MX2: variants seen among roughly 807,000 people sequenced by gnomAD.
MX2 encodes the protein interferon-induced GTP-binding protein Mx2.
A neutral mutation model predicts 74.0 loss-of-function variants in MX2; 51 were observed. The observed-to-expected ratio is 0.69, with a 90% CI of 0.55 to 0.87. MX2 has a LOEUF of 0.87. Ranked by LOEUF, MX2 falls within the 40% of genes least tolerant of loss-of-function variation. The pLI, the probability that MX2 is intolerant of heterozygous loss-of-function variation, is 0.00. For missense variants in MX2, 832 were observed against 908.7 expected (o/e 0.92, Z 1.09); for synonymous variants, 369 against 339.3 (o/e 1.09, Z -0.96).
rs376098687 is a variant in MX2, at chr21:41,406,978, C to T, written c.1885C>T (p.His629Tyr). The T allele has an allele frequency of 6.2e-7, 1 of 1,612,376 alleles. No individual in the cohort carries two copies. Among genetic ancestry groups the T allele is most frequent in the Non-Finnish European group, 8.5e-7 (1 of 1,178,584 alleles). ...SVSSFTEIGIHLNAYFLETSK... is the reference protein window; with the variant it reads ...SVSSFTEIGIYLNAYFLETSK... ...TTCCTCCTTTACTGAAATAGGCATC[C>T]ACCTGAATGCCTACTTCTTGGTGAG... is the stretch of plus-strand genomic sequence containing the variant. Residue 629 changes from histidine (H) to tyrosine (Y), a missense_variant, in exon 13 of 14, where the codon CAC becomes TAC. By Grantham distance (83) the His-to-Tyr change is moderately conservative. Transcript: ENST00000330714.
rs765741587 is a variant in MX2 at position 41,408,263 on chromosome 21, G to A, written c.*30G>A. On this transcript the variant is annotated 3_prime_UTR_variant, in exon 14 of 14. Coordinates refer to ENST00000330714, the MANE Select transcript of MX2 (RefSeq NM_002463.2). Reference sequence around the variant, plus strand: ...CGGCGATGCCTGTGGTTGTTTTCTTGTGCGTACTCATTCATTCTAAGGGGA... The same window carrying A: ...CGGCGATGCCTGTGGTTGTTTTCTTATGCGTACTCATTCATTCTAAGGGGA... 13 of 1,610,080 alleles carry A rather than the reference G, an allele frequency of 8.1e-6. No individual in the cohort carries two copies. The Admixed American group carries it at 1.0e-4, about 12-fold the overall frequency.
Position 41,377,020 on chromosome 21 carries a change from A to T in MX2, c.114A>T (p.Thr38=). Residue 38 remains threonine (T), a synonymous_variant, in exon 2 of 14, where the codon ACA becomes ACT. Transcript: ENST00000330714. ...SFQQQPPPFG[T]VPPQMMFPPN... The stretch of plus-strand genomic sequence containing the variant: ...AGCAACAGCCACCGCCATTCGGCAC[A>T]GTGCCACCACAAATGATGTTTCCTC... The T allele has an allele frequency of 1.2e-6, 2 of 1,614,230 alleles. No homozygotes were observed. The highest frequency in any genetic ancestry group is 1.7e-6 in the Non-Finnish European group (2 of 1,180,044).
chr21:41,376,370 A>G (rs2089401525), intron 1 of MX2, among the ~76,000 whole-genome samples: 2 of 152,144 alleles, frequency 1.3e-5, no homozygotes, highest in Non-Finnish European at 2.9e-5. Flanking sequence ...ACCCATCTCT[A>G]TAAAAAATAC....
At position 41,397,654 on chromosome 21, in the gene MX2, CAGAA is replaced by C; in HGVS notation, c.1116_1119del (p.Glu372AspfsTer17). On this transcript the variant is annotated frameshift_variant, in exon 8 of 14. Coordinates refer to ENST00000330714, the MANE Select transcript of MX2 (RefSeq NM_002463.2). LOFTEE classifies it high-confidence loss of function. ...GGGTCAGCCACGGTTCCCCGACTGG[CAGAA>C]AGACTTACCACTGAACTCATCATGC... is the stretch of plus-strand genomic sequence containing the variant. The C allele has an allele frequency of 6.2e-7, 1 of 1,614,130 alleles. No individual in the cohort carries two copies. The highest frequency in any genetic ancestry group is 8.5e-7 in the Non-Finnish European group (1 of 1,179,984).
intron 3 of MX2, among the ~76,000 whole-genome samples, chr21:41,379,345 G>A (rs1357930057): frequency 6.6e-6 from 1 of 152,180 alleles, no homozygotes; most frequent in Non-Finnish European, 1.5e-5. Context: ...GGGCTTCACG[G>A]CAGGAGCGTG....
chr21:41,396,691 C>T (rs1186315219), intron 7 of MX2, among the ~76,000 whole-genome samples: 1 of 152,200 alleles, frequency 6.6e-6, no homozygotes, highest in East Asian at 1.9e-4. Flanking sequence ...CCGGTTCCTT[C>T]TTTCTTCCTC....
At position 41,368,641 on chromosome 21, in the gene MX2, G is replaced by A. The variant is rs2089288721; in HGVS notation, c.-72+6586G>A. 6.6e-6 allele frequency among the ~76,000 whole-genome samples: 1 copy of A among 152,220 alleles called. No individual in the cohort carries two copies. The highest frequency in any genetic ancestry group is 2.4e-5 in the African/African-American group (1 of 41,460). Reference sequence around the variant, plus strand: ...AGCAAGACCTGCCCTTCATGAAAATGAGGGTGAGGGTGAGGGTGGCGACAG... The same window carrying A: ...AGCAAGACCTGCCCTTCATGAAAATAAGGGTGAGGGTGAGGGTGGCGACAG... On this transcript the variant is annotated intron_variant, in intron 1 of 13. Coordinates refer to ENST00000330714, the MANE Select transcript of MX2 (RefSeq NM_002463.2). The surrounding 1 kb of genome is among the most constrained non-coding windows in gnomAD (Gnocchi z 4.6).
At position 41,389,280 on chromosome 21, in the gene MX2, C is replaced by T. The variant is rs1485838898; in HGVS notation, c.733-1285C>T. Among the ~76,000 whole-genome samples, 18 of 151,868 alleles carry T rather than the reference C, an allele frequency of 1.2e-4. No individual in the cohort carries two copies. The East Asian group carries it at 2.3e-3, about 19-fold the overall frequency. On this transcript the variant is annotated intron_variant, in intron 5 of 13. Transcript: ENST00000330714. ...CTGTAATCCCAGCACTTTGGGAGGC[C>T]GAGGTGAGCAGATTACTTGCGGCCA...
At chr21:41,390,541 C>T (rs1458146267) in intron 5 of MX2, 24 bp from the exon 6 acceptor site, 2 of 1,613,782 alleles carry the variant, frequency 1.2e-6, no homozygotes, top group Non-Finnish European at 8.5e-7. Context: ...TGTGCTCTTT[C>T]TTTGTGCGAT....
chr21:41,380,188 C>T lies in MX2; in HGVS notation c.577+37C>T, dbSNP rs758467404. 1 of 1,612,246 alleles carries T rather than the reference C, an allele frequency of 6.2e-7. No homozygotes were observed. Among genetic ancestry groups the T allele is most frequent in the South Asian group, 1.1e-5 (1 of 90,958 alleles). ...TCATTCTGAGGTTCGGATCTGGCAG[C>T]CGCTCCTCTCACTTCCTCGGTTCCT... On this transcript the variant is annotated intron_variant, in intron 4 of 13. Transcript: ENST00000330714. This position sits in a 1 kb window ranked among gnomAD's most constrained non-coding sequence, Gnocchi z 4.3.
At chr21:41,367,268 C>A (rs1474026013) in intron 1 of MX2, 1 of 151,830 alleles carries the variant, frequency 6.6e-6, no homozygotes, top group African/African-American at 2.4e-5. Context: ...AACATAATTT[C>A]TTTATATTAA....
chr21:41,398,320 A>G (rs888821410), intron 8 of MX2, among the ~76,000 whole-genome samples: 2 of 152,136 alleles, frequency 1.3e-5, no homozygotes, highest in African/African-American at 4.8e-5. Flanking sequence ...AAAAAAAAAA[A>G]TTTCTTCTAG....
At position 41,380,690 on chromosome 21, in the gene MX2, T is replaced by A. The variant is rs1304883577; in HGVS notation, c.577+539T>A. Among the ~76,000 whole-genome samples, 3 of 152,168 alleles carry A rather than the reference T, an allele frequency of 2.0e-5. No individual in the cohort carries two copies. The highest frequency in any genetic ancestry group is 4.4e-5 in the Non-Finnish European group (3 of 68,016). The stretch of plus-strand genomic sequence containing the variant: ...CACCCCCTCCAAATGCAGACCCCTC[T>A]CACCCAGCTGTGGAACAAGTTTCCC... On this transcript the variant is annotated intron_variant, in intron 4 of 13. Transcript: ENST00000330714. The surrounding 1 kb of genome is among the most constrained non-coding windows in gnomAD (Gnocchi z 4.3).
intron 5 of MX2, among the ~76,000 whole-genome samples, chr21:41,385,698 G>T (rs917198987): frequency 6.6e-6 from 1 of 152,148 alleles, no homozygotes; most frequent in Non-Finnish European, 1.5e-5. Flanking sequence ...TTTTAATATT[G>T]TGGTGCCTCA....
Position 41,377,174 on chromosome 21 carries a change from CG to C in MX2, c.249+20del. 6.2e-7 allele frequency: 1 copy of C among 1,612,648 alleles called. No individual in the cohort carries two copies. Among genetic ancestry groups the C allele is most frequent in the Non-Finnish European group, 8.5e-7 (1 of 1,179,020 alleles). ...GGCAATGGTAAGCCCGGTGGAGGGA[CG>C]TTCAGAAAGGGTGCATTCTGGCTGC... On this transcript the variant is annotated intron_variant, in intron 2 of 13. Coordinates refer to ENST00000330714, the MANE Select transcript of MX2 (RefSeq NM_002463.2).
At position 41,377,826 on chromosome 21, in the gene MX2, A is replaced by C. The variant is rs2089427191; in HGVS notation, c.287A>C (p.Lys96Thr). The stretch of plus-strand genomic sequence containing the variant: ...AACCTGTACAGCCAGTACGAGCAGA[A>C]GGTGCGCCCCTGCATTGACCTCATC... ...ENNLYSQYEQKVRPCIDLIDS... is the reference protein window; with the variant it reads ...ENNLYSQYEQTVRPCIDLIDS... Residue 96 changes from lysine to threonine, a missense_variant, in exon 3 of 14, where the codon AAG (lysine) becomes ACG (threonine). Transcript: ENST00000330714. 1 of 1,613,842 alleles carries C rather than the reference A, an allele frequency of 6.2e-7. No homozygotes were observed. Among genetic ancestry groups the C allele is most frequent in the South Asian group, 1.1e-5 (1 of 91,076 alleles).
intron 5 of MX2, among the ~76,000 whole-genome samples, chr21:41,385,297 C>T (rs1251330602): frequency 6.6e-6 from 1 of 152,200 alleles, no homozygotes; most frequent in East Asian, 1.9e-4. Context: ...GATGGTTTGG[C>T]TGTGTCCCCA....
chr21:41,392,363 C>T (rs931771304), intron 6 of MX2, among the ~76,000 whole-genome samples: 1 of 152,190 alleles, frequency 6.6e-6, no homozygotes, highest in African/African-American at 2.4e-5. Flanking sequence ...AAGCACACAA[C>T]AACATGAGTG....
Position 41,399,005 on chromosome 21 carries a change from T to C in MX2, c.1258T>C (p.Phe420Leu). Residue 420 changes from phenylalanine to leucine, a missense_variant, in exon 9 of 14, where the codon TTC becomes CTC. Coordinates refer to ENST00000330714, the MANE Select transcript of MX2 (RefSeq NM_002463.2). ...DIPSQEADKM[F>L]FLIEKIKMFN... ...CCCCAGCCAGGAGGCCGACAAGATG[T>C]TCTTTCTAATTGAGGTGAGGATTTC... 1 of 1,613,464 alleles carries C rather than the reference T, an allele frequency of 6.2e-7. No homozygotes were observed. The highest frequency in any genetic ancestry group is 1.1e-5 in the South Asian group (1 of 91,030).
Sources: gnomAD v4.1 joint callset for allele counts (sites outside exome capture counted in the v4.1 genomes callset) on GRCh38, gnomAD v4.1.1 for gene constraint, Gnocchi (gnomAD v3.1) non-coding constraint, MANE v1.5 for transcripts, NCBI Gene and HGNC (gene_info 2026-07-23, HGNC 2026-07-21) for gene names.